CCNY: variants seen among roughly 807,000 people sequenced by gnomAD.
The protein encoded by CCNY is cyclin Y, also known as cyclin-Y.
Under a neutral mutation model 42.8 loss-of-function variants are expected in CCNY, and 19 were observed. The observed-to-expected ratio is 0.44, with a 90% CI of 0.31 to 0.65. CCNY has a LOEUF of 0.65. Ranked by LOEUF, CCNY falls within the 30% of genes least tolerant of loss-of-function variation. The pLI is 0.07. For missense variants in CCNY, 370 were observed against 437.3 expected (o/e 0.85, Z 1.37); for synonymous variants, 165 against 162.7 (o/e 1.01, Z -0.11).
At chr10:35,386,982 C>T (rs560234571) in intron 1 of CCNY, among the ~76,000 whole-genome samples, 2 of 152,170 alleles carry the variant, frequency 1.3e-5, no homozygotes, top group South Asian at 4.2e-4. Context: ...CACCAGCAGG[C>T]CTTCAGTGAT....
At chr10:35,379,136 A>T (rs1300335675) in intron 1 of CCNY, among the ~76,000 whole-genome samples, 1 of 152,186 alleles carries the variant, frequency 6.6e-6, no homozygotes, top group Non-Finnish European at 1.5e-5. Flanking sequence ...ATGTACCAAG[A>T]GAGTAAGAAA....
At chr10:35,487,757 C>T (rs550369069) in intron 2 of CCNY, among the ~76,000 whole-genome samples, 1 of 152,256 alleles carries the variant, frequency 6.6e-6, no homozygotes, top group East Asian at 1.9e-4. Flanking sequence ...TTTCTTTCTT[C>T]ACACAAAGAG....
chr10:35,512,481 G>A (rs2135403365), intron 3 of CCNY, among the ~76,000 whole-genome samples: 1 of 152,298 alleles, frequency 6.6e-6, no homozygotes, highest in Non-Finnish European at 1.5e-5. Flanking sequence ...ATGGGGGAAA[G>A]CAAGGAGGAA....
intron 7 of CCNY, among the ~76,000 whole-genome samples, chr10:35,546,054 G>A (rs1408133191): frequency 1.3e-5 from 2 of 152,212 alleles, no homozygotes; most frequent in East Asian, 3.8e-4. Context: ...GAATTAGGGT[G>A]TAATTGAGAA....
At chr10:35,561,417 T>G (rs1319259070) in intron 8 of CCNY, among the ~76,000 whole-genome samples, 1 of 152,236 alleles carries the variant, frequency 6.6e-6, no homozygotes, top group Non-Finnish European at 1.5e-5. Context: ...ACATAGATTT[T>G]ATTTTTACAA....
Position 35,395,527 on chromosome 10 carries a change from C to T in CCNY, c.154+58320C>T, listed in dbSNP as rs138885310. 3.3e-3 allele frequency among the ~76,000 whole-genome samples: 499 copies of T among 151,476 alleles called. 4 individuals are homozygous for T. The highest frequency in any genetic ancestry group is 0.011 in the African/African-American group (471 of 41,188). The stretch of plus-strand genomic sequence containing the variant: ...ATAAGTCAGGAGAATCAGATGTCAC[C>T]TGGGGGGTTGTGGGGGACAGTAGAG... On this transcript the variant is annotated intron_variant, in intron 1 of 9. Coordinates refer to ENST00000374704, the MANE Select transcript of CCNY (RefSeq NM_145012.6).
At position 35,336,904 on chromosome 10, in the gene CCNY, G is replaced by A. The variant is rs1836047745; in HGVS notation, c.-150G>A. The A allele has an allele frequency of 5.5e-6, 1 of 183,366 alleles. No individual in the cohort carries two copies. Among genetic ancestry groups the A allele is most frequent in the Non-Finnish European group, 6.3e-6 (1 of 159,380 alleles). The allele number at this position is 183,366 out of a possible 1,614,324, so 11.4% of individuals were successfully genotyped here. On this transcript the variant is annotated 5_prime_UTR_variant, in exon 1 of 10. Transcript: ENST00000374704. Reference sequence around the variant, plus strand: ...CCGCCGCCGCCGCCGCTGCTGACCCGGCGGCCGGCCGCCGTTCCGCCCCCT... The same window carrying A: ...CCGCCGCCGCCGCCGCTGCTGACCCAGCGGCCGGCCGCCGTTCCGCCCCCT...
At chr10:35,427,543 A>G (rs1465744595) in intron 1 of CCNY, among the ~76,000 whole-genome samples, 18 of 152,260 alleles carry the variant, frequency 1.2e-4, no homozygotes, top group East Asian at 3.8e-4. Flanking sequence ...AACTGAAAGA[A>G]TGCATGTGAC....
At chr10:35,294,473 T>C (rs1488941766) in intron 3 of CCNY, among the ~76,000 whole-genome samples, 1 of 152,252 alleles carries the variant, frequency 6.6e-6, no homozygotes, top group Non-Finnish European at 1.5e-5. Context: ...TGAAAGATTG[T>C]TACATTTCAT....
chr10:35,431,558 A>G (rs115231333), intron 1 of CCNY, among the ~76,000 whole-genome samples: 3,771 of 150,332 alleles, frequency 0.025, 156 homozygotes, highest in African/African-American at 0.087. Flanking sequence ...TCATTGCTCT[A>G]ACCTTTGAAT....
intron 3 of CCNY, among the ~76,000 whole-genome samples, chr10:35,270,037 T>C (rs771327139): frequency 6.6e-6 from 1 of 152,174 alleles, no homozygotes; most frequent in Non-Finnish European, 1.5e-5. Flanking sequence ...TATTCCTCAT[T>C]TCCACCTAAG....
intron 1 of CCNY, among the ~76,000 whole-genome samples, chr10:35,404,076 A>G (rs1837704250): frequency 6.6e-6 from 1 of 152,248 alleles, no homozygotes; most frequent in Non-Finnish European, 1.5e-5. Flanking sequence ...AGTACAGCTG[A>G]AGGAGCCAGG....
At chr10:35,454,240 G>A (rs950522202) in intron 1 of CCNY, among the ~76,000 whole-genome samples, 3 of 152,204 alleles carry the variant, frequency 2.0e-5, no homozygotes, top group Non-Finnish European at 4.4e-5. Context: ...CTTCTGGGTG[G>A]CCCCCAGGTC....
At chr10:35,296,040 T>C (rs1166035633) in intron 3 of CCNY, among the ~76,000 whole-genome samples, 1 of 152,172 alleles carries the variant, frequency 6.6e-6, no homozygotes, top group Non-Finnish European at 1.5e-5. Context: ...TTGAGGGAAG[T>C]TTATATTAAT....
At chr10:35,516,382 T>C (rs941615040) in intron 3 of CCNY, 141 bp from the exon 4 acceptor site, 2 of 658,582 alleles carry the variant, frequency 3.0e-6, no homozygotes, top group African/African-American at 3.7e-5. Context: ...GTTTTTGTAC[T>C]GTTCTTGGTG....
At chr10:35,484,732 A>G (rs1564429718) in intron 2 of CCNY, among the ~76,000 whole-genome samples, 1 of 152,198 alleles carries the variant, frequency 6.6e-6, no homozygotes, top group Non-Finnish European at 1.5e-5. Flanking sequence ...ATAGTACTAT[A>G]AAAACAAGAA....
At chr10:35,333,665 TG>T (rs1196330574), upstream of CCNY, among the ~76,000 whole-genome samples, 2 of 152,218 alleles carry the variant, frequency 1.3e-5, no homozygotes, top group Non-Finnish European at 2.9e-5. Context: ...ATTTATAAAA[TG>T]GGGTATAACT....
At chr10:35,470,434 C>T (rs948291891) in intron 1 of CCNY, among the ~76,000 whole-genome samples, 14 of 152,178 alleles carry the variant, frequency 9.2e-5, no homozygotes, top group Admixed American at 8.5e-4. Flanking sequence ...GTTAGCAACC[C>T]ACTTGCGGAG....
intron 3 of CCNY, among the ~76,000 whole-genome samples, chr10:35,326,528 T>C (rs904718184): frequency 3.3e-4 from 51 of 152,322 alleles, no homozygotes; most frequent in Admixed American, 2.0e-4. Context: ...ATTGTACCAG[T>C]TGATGCCTTT....
Sources: allele counts gnomAD v4.1 joint callset (sites outside exome capture counted in the v4.1 genomes callset), GRCh38; gene constraint gnomAD v4.1.1; transcripts MANE v1.5; gene names NCBI Gene and HGNC (gene_info 2026-07-23, HGNC 2026-07-21).